Variants in CADM2 observed in about 807,000 individuals in gnomAD.
CADM2 encodes the protein immunoglobulin superfamily member 4D.
CADM2 carries 12 observed loss-of-function variants against 49.8 expected under a neutral mutation model. The ratio of observed to expected loss-of-function variants is 0.24; its 90% CI spans 0.15 to 0.39. The LOEUF (loss-of-function observed/expected upper bound fraction) is 0.39. Among genes scored for constraint, CADM2 ranks in the 10% least tolerant of loss-of-function variants. The probability of loss-of-function intolerance (pLI) is 1.00; values close to 1 mark genes in which losing one functional copy is unlikely to be tolerated. For missense variants in CADM2, 378 were observed against 492.3 expected (o/e 0.77, Z 2.20); for synonymous variants, 214 against 175.4 (o/e 1.22, Z -1.74).
chr3:85,792,806 C>T (rs2071415556), intron 2 of CADM2, among the ~76,000 whole-genome samples: 1 of 152,212 alleles, frequency 6.6e-6, no homozygotes, highest in Non-Finnish European at 1.5e-5. Flanking sequence ...TCATCCTAGT[C>T]TCTTTCAACA....
chr3:85,474,839 T>C (rs185114339), intron 1 of CADM2, among the ~76,000 whole-genome samples: 1 of 151,984 alleles, frequency 6.6e-6, no homozygotes, highest in East Asian at 1.9e-4. Flanking sequence ...TGACAGAGCT[T>C]ATATGTGCCA....
chr3:85,528,635 C>T (rs1164311769), intron 1 of CADM2, among the ~76,000 whole-genome samples: 1 of 152,190 alleles, frequency 6.6e-6, no homozygotes, highest in Non-Finnish European at 1.5e-5. Flanking sequence ...GCTATGACTA[C>T]TGCTGCAGAT....
intron 1 of CADM2, among the ~76,000 whole-genome samples, chr3:85,015,812 A>G (rs901964956): frequency 3.9e-5 from 6 of 152,184 alleles, no homozygotes. Context: ...AAGGTTTTCA[A>G]AGGGGTGAAC....
chr3:85,008,835 G>C (rs1251420243), intron 1 of CADM2, among the ~76,000 whole-genome samples: 1 of 152,056 alleles, frequency 6.6e-6, no homozygotes, highest in Non-Finnish European at 1.5e-5. Flanking sequence ...TAGACTTGTA[G>C]CTCATGTTTT....
intron 6 of CADM2, among the ~76,000 whole-genome samples, chr3:85,929,804 A>G (rs1720365858): frequency 6.6e-6 from 1 of 152,062 alleles, no homozygotes; most frequent in Non-Finnish European, 1.5e-5. Context: ...ATTTACAAGC[A>G]TTATTTCTAG....
Position 84,985,952 on chromosome 3 carries a change from T to A in CADM2, c.61+26284T>A, listed in dbSNP as rs550285495. 7.7e-4 allele frequency among the ~76,000 whole-genome samples: 118 copies of A among 152,348 alleles called. 1 individual carries two copies. The highest frequency in any genetic ancestry group is 6.8e-3 in the Middle Eastern group (2 of 294). ...CCCATGGCTTAGCTGACCCCATTAG[T>A]GGGATACAACTCTCCTTTGGCATAG... is the stretch of plus-strand genomic sequence containing the variant. On this transcript the variant is annotated intron_variant, in intron 1 of 9. Coordinates refer to ENST00000383699, the MANE Select transcript of CADM2 (RefSeq NM_001167675.2).
chr3:85,615,206 AAG>A (rs138179330), intron 1 of CADM2, among the ~76,000 whole-genome samples: 95 of 148,912 alleles, frequency 6.4e-4, no homozygotes, highest in Admixed American at 7.4e-4. Flanking sequence ...GTACTACAGA[AAG>A]AGAGAGAGAG....
chr3:85,738,413 T>C (rs188053915), intron 2 of CADM2, among the ~76,000 whole-genome samples: 2 of 152,208 alleles, frequency 1.3e-5, no homozygotes, highest in Non-Finnish European at 2.9e-5. Context: ...AGGTAAAATA[T>C]AGCTGAGATA....
chr3:85,773,252 C>T (rs2070192359), intron 2 of CADM2, among the ~76,000 whole-genome samples: 1 of 152,066 alleles, frequency 6.6e-6, no homozygotes, highest in South Asian at 2.1e-4. Flanking sequence ...AATGGCTCAA[C>T]CCCAGGAAAT....
chr3:85,908,889 T>A (rs2108471002), intron 5 of CADM2, among the ~76,000 whole-genome samples: 1 of 152,192 alleles, frequency 6.6e-6, no homozygotes, highest in African/African-American at 2.4e-5. Context: ...CAGGCCCAGC[T>A]AATTTTTTGT....
intron 1 of CADM2, among the ~76,000 whole-genome samples, chr3:85,373,553 G>A (rs1207588196): frequency 1.3e-5 from 2 of 152,190 alleles, no homozygotes; most frequent in African/African-American, 4.8e-5. Context: ...CCACTAGGCA[G>A]TGACTCAGTG....
chr3:85,033,688 C>G (rs939594320), intron 1 of CADM2, among the ~76,000 whole-genome samples: 2 of 152,074 alleles, frequency 1.3e-5, no homozygotes, highest in Non-Finnish European at 2.9e-5. Flanking sequence ...GAAAGAATGA[C>G]AGTTTGAGGT....
chr3:85,986,932 G>A (rs1405180111), intron 8 of CADM2, among the ~76,000 whole-genome samples: 1 of 151,978 alleles, frequency 6.6e-6, no homozygotes, highest in Non-Finnish European at 1.5e-5. Flanking sequence ...TAGTTGCAAT[G>A]TATCAAGTTG....
intron 1 of CADM2, among the ~76,000 whole-genome samples, chr3:85,281,001 A>G (rs755443425): frequency 3.3e-5 from 5 of 151,908 alleles, no homozygotes; most frequent in Non-Finnish European, 7.4e-5. Flanking sequence ...AGTTCAGGAA[A>G]AAAATAAATT....
chr3:85,775,630 T>G (rs1015845438), intron 2 of CADM2, among the ~76,000 whole-genome samples: 1 of 151,882 alleles, frequency 6.6e-6, no homozygotes, highest in Non-Finnish European at 1.5e-5. Flanking sequence ...GGAATTTTGC[T>G]TCCTCCAAAT....
intron 1 of CADM2, among the ~76,000 whole-genome samples, chr3:85,619,777 A>G (rs1012263789): frequency 1.3e-5 from 2 of 152,160 alleles, no homozygotes; most frequent in Non-Finnish European, 2.9e-5. Flanking sequence ...AGGCATTTTT[A>G]TCTTTGAGAA....
At chr3:85,169,269 C>G (rs2040556659) in intron 1 of CADM2, among the ~76,000 whole-genome samples, 1 of 152,152 alleles carries the variant, frequency 6.6e-6, no homozygotes, top group Non-Finnish European at 1.5e-5. Flanking sequence ...GCTGGGATTA[C>G]AGGCATGAGC....
At chr3:85,965,502 G>T (rs1005127446) in intron 8 of CADM2, among the ~76,000 whole-genome samples, 3 of 151,274 alleles carry the variant, frequency 2.0e-5, no homozygotes, top group African/African-American at 4.8e-5. Flanking sequence ...CCCATGAGTT[G>T]CATACAGTTA....
intron 1 of CADM2, among the ~76,000 whole-genome samples, chr3:85,279,474 A>G (rs1000518134): frequency 5.3e-5 from 8 of 151,560 alleles, no homozygotes; most frequent in Non-Finnish European, 8.9e-5. Context: ...GAAATTTTAG[A>G]TATTTCTTTT....
Sources: allele counts gnomAD v4.1 joint callset (sites outside exome capture counted in the v4.1 genomes callset), GRCh38; gene constraint gnomAD v4.1.1; transcripts MANE v1.5; gene names NCBI Gene and HGNC (gene_info 2026-07-23, HGNC 2026-07-21).